The following SIPA1L3 variants were observed in gnomAD, a reference collection of about 807,000 sequenced individuals.
SIPA1L3 encodes the protein signal induced proliferation associated 1 like 3.
In SIPA1L3, 59 loss-of-function variants were observed where a neutral mutation model predicts 150.1. The observed-to-expected ratio is 0.39, with a 90% confidence interval of 0.32 to 0.49. The LOEUF (loss-of-function observed/expected upper bound fraction) is 0.49, where lower values mean the gene tolerates loss of function less well. SIPA1L3 is among the 20% of genes least tolerant of loss of function. The probability of loss-of-function intolerance (pLI) is 0.86; values close to 1 mark genes in which losing one functional copy is unlikely to be tolerated. For missense variants in SIPA1L3, 2,211 were observed against 2,489.5 expected, an observed-to-expected ratio of 0.89 and a Z score of 2.38; for synonymous variants, 1,070 against 1,077.6, an observed-to-expected ratio of 0.99 and a Z score of 0.14.
At chr19:38,114,519 G>A (rs1474883769) in intron 8 of SIPA1L3, among the ~76,000 whole-genome samples, 1 of 152,142 alleles carries the variant, frequency 6.6e-6, no homozygotes. Flanking sequence ...GAGGGACAGG[G>A]GAGGTCATCT....
chr19:38,029,421 C>A (rs1968594239), intron 2 of SIPA1L3, among the ~76,000 whole-genome samples: 1 of 152,110 alleles, frequency 6.6e-6, no homozygotes, highest in African/African-American at 2.4e-5. Context: ...GAAAAAGGAA[C>A]CAGGCTATGC....
intron 2 of SIPA1L3, among the ~76,000 whole-genome samples, chr19:38,078,438 G>GCACACACACACACACACACACA (rs66830496): frequency 7.2e-6 from 1 of 138,898 alleles, no homozygotes; most frequent in African/African-American, 2.7e-5. Flanking sequence ...GCGCATACAT[G>GCACACACACACACACACACACA]CACACACACA....
At chr19:38,111,643 A>T (rs1486635389) in intron 8 of SIPA1L3, among the ~76,000 whole-genome samples, 1 of 152,204 alleles carries the variant, frequency 6.6e-6, no homozygotes, top group Admixed American at 6.5e-5. Context: ...CCCAGCCTGC[A>T]GCGCTGGTTG....
chr19:38,123,700 A>G (rs995084444), intron 9 of SIPA1L3, among the ~76,000 whole-genome samples: 12 of 152,074 alleles, frequency 7.9e-5, no homozygotes, highest in Non-Finnish European at 1.6e-4. Flanking sequence ...CGATTTCTCA[A>G]TCTTTTCCCC....
At chr19:38,177,408 C>T (rs947613983) in intron 15 of SIPA1L3, among the ~76,000 whole-genome samples, 1 of 151,696 alleles carries the variant, frequency 6.6e-6, no homozygotes, top group African/African-American at 2.4e-5. Context: ...CGCAGTGACT[C>T]ATGCCTGTAA....
At chr19:37,987,558 G>C (rs918568072) in intron 1 of SIPA1L3, among the ~76,000 whole-genome samples, 1 of 152,192 alleles carries the variant, frequency 6.6e-6, no homozygotes, top group South Asian at 2.1e-4. Flanking sequence ...GCACCCCCCA[G>C]CGGGGATCAT....
chr19:38,121,101 G>T (rs1359423610), intron 9 of SIPA1L3, among the ~76,000 whole-genome samples: 1 of 152,076 alleles, frequency 6.6e-6, no homozygotes, highest in African/African-American at 2.4e-5. Context: ...CAACACTTTG[G>T]GAGGCCGAGG....
intron 2 of SIPA1L3, among the ~76,000 whole-genome samples, chr19:38,059,051 A>G (rs1400755800): frequency 6.6e-6 from 1 of 150,920 alleles, no homozygotes; most frequent in African/African-American, 2.4e-5. Context: ...AAAAAGACAA[A>G]GTCTTGCCCT....
intron 2 of SIPA1L3, among the ~76,000 whole-genome samples, chr19:38,058,160 C>T (rs1344014189): frequency 2.6e-5 from 4 of 152,290 alleles, no homozygotes; most frequent in African/African-American, 7.2e-5. Context: ...CTCTGCCTGG[C>T]CTGGGTTGCA....
intron 1 of SIPA1L3, among the ~76,000 whole-genome samples, chr19:38,004,960 C>T (rs896087742): frequency 1.3e-5 from 2 of 152,176 alleles, no homozygotes; most frequent in Admixed American, 6.5e-5. Flanking sequence ...AGTACAGGCC[C>T]CCAGAGAGAG....
intron 1 of SIPA1L3, among the ~76,000 whole-genome samples, chr19:38,002,597 G>T (rs1015543003): frequency 1.3e-5 from 2 of 151,422 alleles, no homozygotes; most frequent in African/African-American, 4.9e-5. Flanking sequence ...GCTGGGAGTG[G>T]TGGCGTGCGC....
At chr19:38,192,434 C>G (rs1972825303) in intron 17 of SIPA1L3, 124 bp downstream of exon 17, 1 of 886,122 alleles carries the variant, frequency 1.1e-6, no homozygotes, top group Non-Finnish European at 1.7e-6. Flanking sequence ...GTGTCCCCAG[C>G]CTTTGGCATC....
Position 38,056,215 on chromosome 19 carries a change from T to G in SIPA1L3, c.-310-25041T>G, listed in dbSNP as rs367927394. On this transcript the variant is annotated intron_variant, in intron 2 of 21. Coordinates refer to ENST00000222345, the MANE Select transcript of SIPA1L3 (RefSeq NM_015073.3). ...TTCTCTGCACCAGCACCACCCTCCT[T>G]CTGGGCTAGGCCACTCTTGCCCCCA... is the stretch of plus-strand genomic sequence containing the variant. Among the ~76,000 whole-genome samples, 334 of 152,324 alleles carry G rather than the reference T, an allele frequency of 2.2e-3. 1 individual carries two copies. Among genetic ancestry groups the G allele is most frequent in the African/African-American group, 7.9e-3 (329 of 41,572 alleles).
chr19:38,137,918 G>T lies in SIPA1L3; in HGVS notation c.3144-3266G>T, dbSNP rs941039639. Among the ~76,000 whole-genome samples the T allele has an allele frequency of 2.0e-5, 3 of 152,114 alleles. No individual in the cohort carries two copies. In the East Asian group the frequency reaches 5.8e-4, roughly 29 times the overall value. On this transcript the variant is annotated intron_variant, in intron 10 of 21. Transcript: ENST00000222345. ...GGCCGAGGTGGATGCATCACTTGAG[G>T]TCAGGAGTTTGAGACCAGCCTGGCC...
At chr19:38,173,003 G>A (rs1972359909) in intron 15 of SIPA1L3, among the ~76,000 whole-genome samples, 1 of 152,178 alleles carries the variant, frequency 6.6e-6, no homozygotes. Context: ...TTGGGAGGCT[G>A]AGGTTGGAGG....
chr19:38,129,363 C>T (rs547380418), intron 9 of SIPA1L3, among the ~76,000 whole-genome samples: 35 of 151,760 alleles, frequency 2.3e-4, no homozygotes, highest in Admixed American at 1.2e-3. Context: ...TGGTGGCTCA[C>T]GCCTGTAATC....
intron 18 of SIPA1L3, among the ~76,000 whole-genome samples, chr19:38,194,597 C>T (rs1485055505): frequency 6.6e-6 from 1 of 152,178 alleles, no homozygotes; most frequent in East Asian, 1.9e-4. Flanking sequence ...CTCTCAAATC[C>T]AAGCACATCT....
chr19:38,038,556 A>G (rs34417240), intron 2 of SIPA1L3, among the ~76,000 whole-genome samples: 5 of 144,220 alleles, frequency 3.5e-5, no homozygotes, highest in Admixed American at 2.9e-4. Context: ...ACGTCACTGC[A>G]CTGTAGCCTG....
intron 2 of SIPA1L3, among the ~76,000 whole-genome samples, chr19:38,074,773 T>G (rs1245904880): frequency 6.6e-6 from 1 of 152,208 alleles, no homozygotes; most frequent in Non-Finnish European, 1.5e-5. Context: ...GTTGTTGTTG[T>G]TTGATTTTTG....
Sources: allele counts gnomAD v4.1 joint callset (sites outside exome capture counted in the v4.1 genomes callset), GRCh38; gene constraint gnomAD v4.1.1; transcripts MANE v1.5; gene names NCBI Gene and HGNC (gene_info 2026-07-23, HGNC 2026-07-21).